ZNF283: variants seen among roughly 807,000 people sequenced by gnomAD.
The protein encoded by ZNF283 is zinc finger protein 41.
ZNF283 carries 10 observed loss-of-function variants against 9.2 expected under a neutral mutation model. That is an observed-to-expected ratio of 1.09 (90% CI 0.67 to 1.85). ZNF283 has a LOEUF of 1.85. Among genes scored for constraint, ZNF283 ranks in the 40% most tolerant of loss-of-function variants. The pLI is 0.00. For missense variants in ZNF283, 631 were observed against 760.1 expected (o/e 0.83, Z 2.00); for synonymous variants, 234 against 244.1 (o/e 0.96, Z 0.38).
chr19:43,844,583 G>A (rs1282432566), intron 6 of ZNF283, among the ~76,000 whole-genome samples: 1 of 152,152 alleles, frequency 6.6e-6, no homozygotes, highest in African/African-American at 2.4e-5. Flanking sequence ...AAAGCAGCAA[G>A]ACATTGTTAA....
At position 43,848,476 on chromosome 19, in the gene ZNF283, G is replaced by C; in HGVS notation, c.1875G>C (p.Lys625Asn). 1 of 1,613,608 alleles carries C rather than the reference G, an allele frequency of 6.2e-7. No homozygotes were observed. The highest frequency in any genetic ancestry group is 1.1e-5 in the South Asian group (1 of 91,062). The part of the protein sequence containing the change: ...SVHQRFHTGE[K>N]LYQRKEFGKT... ...ATCAGAGATTTCATACTGGTGAGAA[G>C]CTTTATCAACGTAAGGAATTCGGGA... The change falls in exon 7 of 7, where the codon AAG becomes AAC. Residue 625 changes from lysine to asparagine, a missense_variant. Lys to Asn is a moderately conservative substitution (Grantham distance 94). Transcript: ENST00000618787.
rs1273471845 is a variant in ZNF283 at position 43,849,475 on chromosome 19, A to G, written c.*834A>G. On this transcript the variant is annotated 3_prime_UTR_variant, in exon 7 of 7. Coordinates refer to ENST00000618787, the MANE Select transcript of ZNF283 (RefSeq NM_181845.2). ...ATTAGAATAGCAGAATATTCATACT[A>G]TAGCAAGATTTGGCAAATGAGGGAA... 1 of 152,232 alleles carries G rather than the reference A, an allele frequency of 6.6e-6. No individual in the cohort carries two copies. Among genetic ancestry groups the G allele is most frequent in the Non-Finnish European group, 1.5e-5 (1 of 68,026 alleles). The allele number at this position is 152,232 out of a possible 1,614,324, so 9.4% of individuals were successfully genotyped here. A position where few individuals can be genotyped will look rare whatever the true frequency, so the allele number is the denominator to read the frequency against.
Position 43,847,327 on chromosome 19 carries a change from G to A in ZNF283, c.726G>A (p.Lys242=). 1.2e-6 allele frequency: 2 copies of A among 1,613,932 alleles called. No individual in the cohort carries two copies. Among genetic ancestry groups the A allele is most frequent in the African/African-American group, 2.7e-5 (2 of 75,022 alleles). The change falls in exon 7 of 7, where the codon AAG becomes AAA. Residue 242 remains lysine, a synonymous_variant. Coordinates refer to ENST00000618787, the MANE Select transcript of ZNF283 (RefSeq NM_181845.2). ...ACTTTGAATGTAAAGAATGTGGGAA[G>A]AATTATTTAAGTGCCTATCAACTCA... ...EKHFECKECG[K]NYLSAYQLNV... is the part of the protein sequence containing the mutation.
chr19:43,841,143 T>C (rs10405318), intron 6 of ZNF283: 61,526 of 152,084 alleles, frequency 0.4, 12,875 homozygotes, highest in South Asian at 0.55. Flanking sequence ...TTCAGTTTAC[T>C]ATCTTGCTAT....
intron 4 of ZNF283, among the ~76,000 whole-genome samples, chr19:43,834,041 T>C (rs75025451): frequency 8.3e-4 from 126 of 152,326 alleles, no homozygotes; most frequent in Non-Finnish European, 1.7e-3. Flanking sequence ...CGTTGAACCA[T>C]GATCAAGCAT....
intron 6 of ZNF283, among the ~76,000 whole-genome samples, chr19:43,839,266 C>A (rs1971105639): frequency 6.6e-6 from 1 of 151,312 alleles, no homozygotes; most frequent in Non-Finnish European, 1.5e-5. Context: ...TTCAATATAC[C>A]ATCCTGTTAC....
At chr19:43,846,035 C>A (rs1971389593) in intron 6 of ZNF283, among the ~76,000 whole-genome samples, 1 of 152,070 alleles carries the variant, frequency 6.6e-6, no homozygotes, top group African/African-American at 2.4e-5. Context: ...TGAAAAATAA[C>A]TCAAAATATT....
At chr19:43,831,041 A>T (rs981764534) in intron 2 of ZNF283, among the ~76,000 whole-genome samples, 2 of 152,200 alleles carry the variant, frequency 1.3e-5, no homozygotes, top group African/African-American at 4.8e-5. Flanking sequence ...GGAAAAATAT[A>T]AATGATATAA....
At position 43,835,386 on chromosome 19, in the gene ZNF283, A is replaced by C. The variant is rs1970925753; in HGVS notation, c.123-119A>C. ...TTTAGGTGAAAGTTTGAATTCCATA[A>C]ATGGTGCGTGGGGTGTGTAGCAGAA... On this transcript the variant is annotated intron_variant, in intron 4 of 6. Coordinates refer to ENST00000618787, the MANE Select transcript of ZNF283 (RefSeq NM_181845.2). The C allele has an allele frequency of 7.5e-6, 5 of 667,370 alleles. No individual in the cohort carries two copies. In the South Asian group the frequency reaches 8.9e-5, roughly 12 times the overall value. The allele number at this position is 667,370 out of a possible 1,614,324, so 41.3% of individuals were successfully genotyped here.
At chr19:43,837,294 C>T (rs772134498) in intron 6 of ZNF283, 115 bp downstream of exon 6, 1 of 1,108,602 alleles carries the variant, frequency 9.0e-7, no homozygotes, top group South Asian at 1.7e-5. Context: ...CTCCCCCTTC[C>T]CAAGGGCATG....
At chr19:43,832,519 T>C (rs1032062148) in intron 3 of ZNF283, among the ~76,000 whole-genome samples, 5 of 152,228 alleles carry the variant, frequency 3.3e-5, no homozygotes, top group Admixed American at 3.3e-4. Context: ...TATTTTCCTC[T>C]ATATGTTTCT....
At chr19:43,829,374 G>C (rs1479703177) in intron 2 of ZNF283, among the ~76,000 whole-genome samples, 1 of 152,122 alleles carries the variant, frequency 6.6e-6, no homozygotes, top group African/African-American at 2.4e-5. Flanking sequence ...GACAGAGAGA[G>C]ACTCCATCTC....
At chr19:43,838,476 A>G (rs1971069591) in intron 6 of ZNF283, among the ~76,000 whole-genome samples, 1 of 152,054 alleles carries the variant, frequency 6.6e-6, no homozygotes, top group South Asian at 2.1e-4. Context: ...AAATACAAAA[A>G]TATTTGCTGG....
chr19:43,835,490 G>GT lies in ZNF283; in HGVS notation c.123-11dup. 1 of 1,594,920 alleles carries GT rather than the reference G, an allele frequency of 6.3e-7. No individual in the cohort carries two copies. Among genetic ancestry groups the GT allele is most frequent in the African/African-American group, 1.3e-5 (1 of 74,808 alleles). On this transcript the variant is annotated splice_polypyrimidine_tract_variant and intron_variant, in intron 4 of 6. Coordinates refer to ENST00000618787, the MANE Select transcript of ZNF283 (RefSeq NM_181845.2). ...TGAGGCACACCTGGTTTAACGCTTC[G>GT]TTTTCCCTCCCCAGTTCTGGCTTTT... is the stretch of plus-strand genomic sequence containing the variant.
intron 1 of ZNF283, chr19:43,827,762 A>T (rs1970540023): frequency 6.6e-6 from 1 of 152,206 alleles, no homozygotes; most frequent in South Asian, 2.1e-4. Context: ...ATTTGCTTTG[A>T]CCAAATGCTC....
chr19:43,849,960 C>T lies in ZNF283; in HGVS notation c.*1319C>T, dbSNP rs1244482630. 6.6e-6 allele frequency: 1 copy of T among 152,010 alleles called. No individual in the cohort carries two copies. Among genetic ancestry groups the T allele is most frequent in the African/African-American group, 2.4e-5 (1 of 41,320 alleles). 9.4% of individuals were successfully genotyped at this position (152,010 alleles called of 1,614,324 possible). A position where few individuals can be genotyped will look rare whatever the true frequency, so the allele number is the denominator to read the frequency against. ...TGAATTCAGAAAAGCTTCCCATAAC[C>T]ACTCATCCATTTGAATTTCAGATAG... is the stretch of plus-strand genomic sequence containing the variant. On this transcript the variant is annotated 3_prime_UTR_variant, in exon 7 of 7. Coordinates refer to ENST00000618787, the MANE Select transcript of ZNF283 (RefSeq NM_181845.2).
rs534559220 is a variant in ZNF283 at position 43,840,127 on chromosome 19, A to G, written c.337+2948A>G. Among the ~76,000 whole-genome samples, 54 of 152,186 alleles carry G rather than the reference A, an allele frequency of 3.5e-4. No individual in the cohort carries two copies. The South Asian group carries it at 0.011, about 30-fold the overall frequency. On this transcript the variant is annotated intron_variant, in intron 6 of 6. Coordinates refer to ENST00000618787, the MANE Select transcript of ZNF283 (RefSeq NM_181845.2). ...TTTTCAAACTCTTTTTGCAAATTGT[A>G]TATTCCTTATTGTATGTGGTCACTG...
At chr19:43,827,546 T>C (rs74694797) in intron 1 of ZNF283, 102 bp downstream of exon 1, 25,433 of 113,892 alleles carry the variant, frequency 0.22, 2,352 homozygotes, top group Non-Finnish European at 0.26. Context: ...AGGGTGGGGG[T>C]GGCATCGGGG....
chr19:43,837,571 T>C (rs1272988244), intron 6 of ZNF283: 2 of 296,984 alleles, frequency 6.7e-6, no homozygotes, highest in Non-Finnish European at 1.2e-5. Flanking sequence ...CAAGCTTTGA[T>C]AACTTGCCCA....
Sources: gnomAD v4.1 joint callset for allele counts (sites outside exome capture counted in the v4.1 genomes callset) on GRCh38, gnomAD v4.1.1 for gene constraint, MANE v1.5 for transcripts, NCBI Gene and HGNC (gene_info 2026-07-23, HGNC 2026-07-21) for gene names.